FAM241A: variants seen among roughly 807,000 people sequenced by gnomAD.
FAM241A encodes uncharacterized protein FAM241A.
Under a neutral mutation model 12.2 loss-of-function variants are expected in FAM241A, and 7 were observed. That is an observed-to-expected ratio of 0.58 (90% confidence interval 0.33 to 1.08). The LOEUF (loss-of-function observed/expected upper bound fraction) is 1.08. Ranked by LOEUF, FAM241A falls within the 50% of genes least tolerant of loss-of-function variation. The pLI is 0.04. For synonymous variants in FAM241A, 74 were observed against 68.2 expected, an observed-to-expected ratio of 1.08 and a Z score of -0.42; for missense variants, 161 against 169.7, an observed-to-expected ratio of 0.95 and a Z score of 0.29.
At chr4:112,163,658 A>G (rs1422201665) in intron 1 of FAM241A, among the ~76,000 whole-genome samples, 2 of 152,252 alleles carry the variant, frequency 1.3e-5, no homozygotes, top group African/African-American at 4.8e-5. Context: ...AAGTTAGGAA[A>G]CAACTGGTGC....
chr4:112,171,278 C>CA, intron 1 of FAM241A: 1 of 753,998 alleles, frequency 1.3e-6, no homozygotes, highest in Non-Finnish European at 2.4e-6. Flanking sequence ...ACCAACCCCA[C>CA]AAAATGACAC....
rs1724231819 is a variant in FAM241A at position 112,194,634 on chromosome 4, T to C, written c.*7696T>C. Reference sequence around the variant, plus strand: ...TGTGGTTTTTGTCTTTGGTTCTGTTTATATGCTGGATTACATTGATTGATT... The same window carrying C: ...TGTGGTTTTTGTCTTTGGTTCTGTTCATATGCTGGATTACATTGATTGATT... On this transcript the variant is annotated 3_prime_UTR_variant, in exon 2 of 2. Transcript: ENST00000309733. 1 of 152,198 alleles carries C rather than the reference T, an allele frequency of 6.6e-6. No individual in the cohort carries two copies. The highest frequency in any genetic ancestry group is 6.5e-5 in the Admixed American group (1 of 15,280). The allele number at this position is 152,198 out of a possible 1,614,324, so 9.4% of individuals were successfully genotyped here. A position where few individuals can be genotyped will look rare whatever the true frequency, so the allele number is the denominator to read the frequency against.
At chr4:112,185,113 C>T (rs1294678400) in intron 1 of FAM241A, among the ~76,000 whole-genome samples, 1 of 152,086 alleles carries the variant, frequency 6.6e-6, no homozygotes, top group African/African-American at 2.4e-5. Flanking sequence ...AATTCTCCAT[C>T]ATGTACATAC....
At chr4:112,153,763 A>G (rs934929776) in intron 1 of FAM241A, among the ~76,000 whole-genome samples, 5 of 152,208 alleles carry the variant, frequency 3.3e-5, no homozygotes, top group Non-Finnish European at 7.3e-5. Context: ...TAGGGCAACA[A>G]CTGCAGCTTA....
chr4:112,168,498 CAATA>C (rs1578374912), intron 1 of FAM241A, among the ~76,000 whole-genome samples: 1 of 152,078 alleles, frequency 6.6e-6, no homozygotes, highest in East Asian at 1.9e-4. Context: ...TACTCCCAAA[CAATA>C]AATATAAATG....
At chr4:112,176,961 G>A (rs1472687101) in intron 1 of FAM241A, among the ~76,000 whole-genome samples, 1 of 152,152 alleles carries the variant, frequency 6.6e-6, no homozygotes, top group African/African-American at 2.4e-5. Flanking sequence ...TGGTTTATAT[G>A]TGAAGTCTTA....
chr4:112,165,181 T>A (rs1723569106), intron 1 of FAM241A, among the ~76,000 whole-genome samples: 2 of 152,060 alleles, frequency 1.3e-5, no homozygotes, highest in Non-Finnish European at 2.9e-5. Flanking sequence ...ATCAGAGAAA[T>A]GCAAATCAAA....
In FAM241A at chr4:112,188,868, T is replaced by G. The variant is rs571385659; in HGVS notation, c.*1930T>G. Reference sequence around the variant, plus strand: ...CTGTACATCTGCACACTGGTGTTAATAGGGTATATATTAAATTATATAAAG... The same window carrying G: ...CTGTACATCTGCACACTGGTGTTAAGAGGGTATATATTAAATTATATAAAG... On this transcript the variant is annotated 3_prime_UTR_variant, in exon 2 of 2. Transcript: ENST00000309733. 1 of 152,150 alleles carries G rather than the reference T, an allele frequency of 6.6e-6. No individual in the cohort carries two copies. Among genetic ancestry groups the G allele is most frequent in the Non-Finnish European group, 1.5e-5 (1 of 67,998 alleles). The allele number at this position is 152,150 out of a possible 1,614,324, so 9.4% of individuals were successfully genotyped here. A position where few individuals can be genotyped will look rare whatever the true frequency, so the allele number is the denominator to read the frequency against.
chr4:112,174,823 A>G (rs933769897), intron 1 of FAM241A, among the ~76,000 whole-genome samples: 2 of 152,228 alleles, frequency 1.3e-5, no homozygotes, highest in Non-Finnish European at 2.9e-5. Flanking sequence ...TCAATGGCAC[A>G]AGGGGCTTAA....
At chr4:112,160,629 G>A (rs1723445078) in intron 1 of FAM241A, among the ~76,000 whole-genome samples, 1 of 152,110 alleles carries the variant, frequency 6.6e-6, no homozygotes, top group South Asian at 2.1e-4. Flanking sequence ...CAAAACTGGA[G>A]GAAACACATT....
intron 1 of FAM241A, among the ~76,000 whole-genome samples, chr4:112,159,735 A>T (rs1318658014): frequency 6.6e-6 from 1 of 152,232 alleles, no homozygotes; most frequent in Admixed American, 6.5e-5. Flanking sequence ...TCCCTTCATG[A>T]TTAAAAAACA....
At position 112,194,643 on chromosome 4, in the gene FAM241A, G is replaced by C. The variant is rs1384357194; in HGVS notation, c.*7705G>C. 1 of 152,050 alleles carries C rather than the reference G, an allele frequency of 6.6e-6. No homozygotes were observed. Among genetic ancestry groups the C allele is most frequent in the African/African-American group, 2.4e-5 (1 of 41,384 alleles). 9.4% of individuals were successfully genotyped at this position (152,050 alleles called of 1,614,324 possible). ...TGTCTTTGGTTCTGTTTATATGCTG[G>C]ATTACATTGATTGATTTGCGTATAT... is the stretch of plus-strand genomic sequence containing the variant. On this transcript the variant is annotated 3_prime_UTR_variant, in exon 2 of 2. Coordinates refer to ENST00000309733, the MANE Select transcript of FAM241A (RefSeq NM_152400.3).
Position 112,186,808 on chromosome 4 carries a change from T to C in FAM241A, c.269T>C (p.Met90Thr). Residue 90 changes from methionine to threonine, a missense_variant, in exon 2 of 2, where the codon ATG becomes ACG. By Grantham distance (81) the Met-to-Thr change is moderately conservative. Coordinates refer to ENST00000309733, the MANE Select transcript of FAM241A (RefSeq NM_152400.3). ...KNLINMGFTR[M>T]YFGERIVEPV... ...CTTATCAACATGGGCTTCACAAGGA[T>C]GTATTTTGGAGAACGAATAGTGGAA... is the stretch of plus-strand genomic sequence containing the variant. The C allele has an allele frequency of 5.0e-6, 8 of 1,614,006 alleles. No individual in the cohort carries two copies. The highest frequency in any genetic ancestry group is 6.8e-6 in the Non-Finnish European group (8 of 1,179,986).
chr4:112,164,338 C>T (rs775182307), intron 1 of FAM241A, among the ~76,000 whole-genome samples: 8 of 151,180 alleles, frequency 5.3e-5, no homozygotes, highest in Non-Finnish European at 7.4e-5. Flanking sequence ...TCTGAGCAAA[C>T]GATCGCAAGG....
At chr4:112,162,263 C>T (rs1268895117) in intron 1 of FAM241A, among the ~76,000 whole-genome samples, 1 of 152,114 alleles carries the variant, frequency 6.6e-6, no homozygotes, top group Admixed American at 6.5e-5. Flanking sequence ...ACAGGGATGC[C>T]CTCTCTCACC....
rs908664236 is a variant in FAM241A, at chr4:112,171,487, T to C, written c.154-15206T>C. On this transcript the variant is annotated intron_variant, in intron 1 of 1. Transcript: ENST00000309733. Reference sequence around the variant, plus strand: ...ATTAAAAGATGCAAGCATTTTGAACTGGGAGGAGATAAGGAAAGAAAGGCC... The same window carrying C: ...ATTAAAAGATGCAAGCATTTTGAACCGGGAGGAGATAAGGAAAGAAAGGCC... 15 of 777,982 alleles carry C rather than the reference T, an allele frequency of 1.9e-5. 1 individual carries two copies. The South Asian group carries it at 2.0e-4, about 10-fold the overall frequency. The allele number at this position is 777,982 out of a possible 1,614,324, so 48.2% of individuals were successfully genotyped here.
At chr4:112,162,945 A>G (rs1723508597) in intron 1 of FAM241A, among the ~76,000 whole-genome samples, 2 of 152,240 alleles carry the variant, frequency 1.3e-5, no homozygotes, top group Admixed American at 1.3e-4. Flanking sequence ...ACAGCATGGT[A>G]CTGCTACGAA....
At chr4:112,171,293 C>A (rs1385696011) in intron 1 of FAM241A, 5 of 754,286 alleles carry the variant, frequency 6.6e-6, no homozygotes, top group Non-Finnish European at 1.2e-5. Flanking sequence ...TGACACAGTA[C>A]AAGAAGGGCA....
chr4:112,153,218 C>G (rs1033089292), intron 1 of FAM241A, among the ~76,000 whole-genome samples: 1 of 149,888 alleles, frequency 6.7e-6, no homozygotes, highest in Non-Finnish European at 1.5e-5. Context: ...GGTTTCTTTT[C>G]CCCCTTGTTG....
Sources: gnomAD v4.1 joint callset for allele counts (sites outside exome capture counted in the v4.1 genomes callset) on GRCh38, gnomAD v4.1.1 for gene constraint, MANE v1.5 for transcripts, NCBI Gene and HGNC (gene_info 2026-07-23, HGNC 2026-07-21) for gene names.